Variants in LRP2 observed in about 807,000 individuals in gnomAD.
LRP2 encodes low-density lipoprotein receptor-related protein 2.
In LRP2, 172 loss-of-function variants were observed where a neutral mutation model predicts 531.0. The observed-to-expected ratio is 0.32, with a 90% CI of 0.29 to 0.37. The LOEUF (loss-of-function observed/expected upper bound fraction) is 0.37, where lower values mean the gene tolerates loss of function less well. Ranked by LOEUF, LRP2 falls within the 10% of genes least tolerant of loss-of-function variation. LRP2 has a pLI of 1.00. For synonymous variants in LRP2, 1,992 were observed against 2,027.6 expected (o/e 0.98, Z 0.47); for missense variants, 5,167 against 5,868.3 (o/e 0.88, Z 3.90).
intron 24 of LRP2, among the ~76,000 whole-genome samples, chr2:169,242,739 A>G (rs1339230912): frequency 6.6e-6 from 1 of 152,210 alleles, no homozygotes. Flanking sequence ...CTAAGAGACT[A>G]TTTGAAGTGT....
chr2:169,147,563 C>T (rs971032193), intron 68 of LRP2, among the ~76,000 whole-genome samples: 1 of 152,270 alleles, frequency 6.6e-6, no homozygotes, highest in Non-Finnish European at 1.5e-5. Flanking sequence ...GCAATCCCCC[C>T]ACTTCAGCCT....
chr2:169,216,610 C>T (rs987052089), intron 34 of LRP2, among the ~76,000 whole-genome samples, 180 bp from the exon 35 acceptor site: 2 of 152,110 alleles, frequency 1.3e-5, no homozygotes, highest in Admixed American at 6.5e-5. Context: ...CTACCAATGT[C>T]GGTATATTTC....
At chr2:169,264,583 C>T (rs1214833645) in intron 16 of LRP2, among the ~76,000 whole-genome samples, 5 of 152,024 alleles carry the variant, frequency 3.3e-5, no homozygotes. Context: ...AAAATAACAG[C>T]AGATGAGTAA....
chr2:169,238,189 C>A lies in LRP2; in HGVS notation c.4408G>T (p.Ala1470Ser). 2 of 1,614,104 alleles carry A rather than the reference C, an allele frequency of 1.2e-6. No homozygotes were observed. Among genetic ancestry groups the A allele is most frequent in the Non-Finnish European group, 1.7e-6 (2 of 1,179,942 alleles). ...SLVENGSYIVAVDFDSISGRI... is the reference protein window; with the variant it reads ...SLVENGSYIVSVDFDSISGRI... Reference sequence around the variant, plus strand: ...CCACTAATTGAATCAAAATCAACAGCTACAATGTAAGAACCATTCTCGACC... The same window carrying A: ...CCACTAATTGAATCAAAATCAACAGATACAATGTAAGAACCATTCTCGACC... The change falls in exon 27 of 79, where the codon GCT (alanine) becomes TCT (serine). Residue 1470 changes from alanine to serine, a missense_variant. By Grantham distance (99) the Ala-to-Ser change is moderately conservative (BLOSUM62 1). This residue lies in a region of LRP2 where 2,811 missense variants were observed against 3,058.0 expected (regional missense o/e 0.92). Coordinates refer to ENST00000649046, the MANE Select transcript of LRP2 (RefSeq NM_004525.3).
At chr2:169,343,989 A>C (rs143221194) in intron 1 of LRP2, among the ~76,000 whole-genome samples, 1,756 of 152,322 alleles carry the variant, frequency 0.012, 18 homozygotes, top group Middle Eastern at 0.061. Context: ...CAAGATGCCA[A>C]ATATCCCTTC....
In LRP2 at chr2:169,163,085, ACAGT is replaced by A. The variant is rs373178974; in HGVS notation, c.11759-489_11759-486del. Among the ~76,000 whole-genome samples, 49 of 152,350 alleles carry A rather than the reference ACAGT, an allele frequency of 3.2e-4. 1 individual carries two copies. The South Asian group carries it at 8.3e-3, about 26-fold the overall frequency. ...ACATAAAATATTTGGCATTGGATTAACAGTCAGGAGGCAAGCAACAAGGACACTG... is the reference window on the plus strand; with the variant it reads ...ACATAAAATATTTGGCATTGGATTAACAGGAGGCAAGCAACAAGGACACTG... On this transcript the variant is annotated intron_variant, in intron 62 of 78. Transcript: ENST00000649046.
intron 70 of LRP2, among the ~76,000 whole-genome samples, chr2:169,145,214 G>A (rs1685864232): frequency 1.3e-5 from 2 of 152,192 alleles, no homozygotes; most frequent in Non-Finnish European, 2.9e-5. Context: ...ACACACTGCT[G>A]AAGGATAAAT....
chr2:169,236,177 A>T (rs988781194), intron 28 of LRP2, 109 bp from the exon 29 acceptor site: 25 of 839,530 alleles, frequency 3.0e-5, no homozygotes, highest in Non-Finnish European at 4.9e-5. Flanking sequence ...AAAATAAATC[A>T]TCTCTGGTTC....
Position 169,154,448 on chromosome 2 carries a change from G to GT in LRP2, c.12295+11dup. On this transcript the variant is annotated intron_variant, in intron 66 of 78. Transcript: ENST00000649046. ...CTTAATATCAATGAAAGATGCCAAA[G>GT]TTTATACTCACTGAGGCCTATGTCC... 9 of 1,610,230 alleles carry GT rather than the reference G, an allele frequency of 5.6e-6. No homozygotes were observed. The highest frequency in any genetic ancestry group is 5.1e-6 in the Non-Finnish European group (6 of 1,176,682).
intron 9 of LRP2, among the ~76,000 whole-genome samples, chr2:169,283,848 C>T (rs186585525): frequency 4.1e-3 from 627 of 152,190 alleles, no homozygotes; most frequent in Non-Finnish European, 6.6e-3. Flanking sequence ...ATATAATTGA[C>T]ATAAACAATA....
Position 169,257,102 on chromosome 2 carries a change from G to A in LRP2, c.2639+22C>T, listed in dbSNP as rs767371742. On this transcript the variant is annotated intron_variant, in intron 18 of 78. Transcript: ENST00000649046. The stretch of plus-strand genomic sequence containing the variant: ...CTGCAGTAAAAGAGAACTAAGTATC[G>A]GGGATGATGATTCCTACTTACGCCC... 3.2e-5 allele frequency: 51 copies of A among 1,611,448 alleles called. No individual in the cohort carries two copies. In the Admixed American group the frequency reaches 4.2e-4, roughly 13 times the overall value.
chr2:169,222,703 T>C (rs1298436852), intron 33 of LRP2, among the ~76,000 whole-genome samples: 2 of 152,290 alleles, frequency 1.3e-5, no homozygotes, highest in Non-Finnish European at 2.9e-5. Flanking sequence ...ATAGAACAAT[T>C]ATAAAAATAT....
intron 61 of LRP2, among the ~76,000 whole-genome samples, chr2:169,168,018 A>ATATATATATAT (rs1686845879): frequency 1.5e-5 from 1 of 68,186 alleles, no homozygotes; most frequent in Non-Finnish European, 2.9e-5. Flanking sequence ...CAGGGTTTAA[A>ATATATATATAT]ATATATATAT....
chr2:169,316,930 G>C (rs79508596), intron 3 of LRP2, among the ~76,000 whole-genome samples: 8,323 of 152,184 alleles, frequency 0.055, 325 homozygotes, highest in Non-Finnish European at 0.081. Context: ...AAGGAGGAAT[G>C]GTCTCCAGAG....
At chr2:169,189,712 C>A (rs1687765035) in intron 48 of LRP2, among the ~76,000 whole-genome samples, 2 of 152,118 alleles carry the variant, frequency 1.3e-5, no homozygotes, top group Non-Finnish European at 2.9e-5. Flanking sequence ...CAAGGAGATG[C>A]ACACTAACAG....
intron 50 of LRP2, among the ~76,000 whole-genome samples, chr2:169,184,463 TG>T (rs1687554258): frequency 6.6e-6 from 1 of 152,236 alleles, no homozygotes; most frequent in African/African-American, 2.4e-5. Flanking sequence ...TCTGGAGGTC[TG>T]GGCTGACTGC....
At position 169,273,058 on chromosome 2, in the gene LRP2, G is replaced by A. The variant is rs543102321; in HGVS notation, c.1985C>T (p.Pro662Leu). Residue 662 changes from proline (P) to leucine (L), a missense_variant, in exon 15 of 79, where the codon CCG becomes CTG. Physicochemically the swap from Pro to Leu is moderately conservative, Grantham distance 98 (BLOSUM62 -3). Coordinates refer to ENST00000649046, the MANE Select transcript of LRP2 (RefSeq NM_004525.3). ...HSLRQPYATN[P>L]CKDNNGGCEQ... ...ACAGCCCCCATTGTTATCTTTACAC[G>A]GATTGGTAGCTGGAAGGAAAAATGC... The A allele has an allele frequency of 2.5e-5, 41 of 1,613,522 alleles. No individual in the cohort carries two copies. In the African/African-American group the frequency reaches 4.3e-4, roughly 17 times the overall value.
In LRP2 at chr2:169,236,033, T is replaced by G. The variant is rs1287458932; in HGVS notation, c.4727A>C (p.His1576Pro). 1 of 1,613,976 alleles carries G rather than the reference T, an allele frequency of 6.2e-7. No individual in the cohort carries two copies. Among genetic ancestry groups the G allele is most frequent in the African/African-American group, 1.3e-5 (1 of 75,018 alleles). The change falls in exon 29 of 79, where the codon CAC becomes CCC. Residue 1576 changes from histidine (H) to proline (P), a missense_variant. His to Pro is a moderately conservative substitution (Grantham distance 77). This residue lies in a region of LRP2 where 2,811 missense variants were observed against 3,058.0 expected (regional missense o/e 0.92). Coordinates refer to ENST00000649046, the MANE Select transcript of LRP2 (RefSeq NM_004525.3). The stretch of plus-strand genomic sequence containing the variant: ...CATGCTGGCTCGCTCGATGCGAGGG[T>G]GGTGGCCCCAGTCAGACCAGAACAG... Reference protein sequence around the residue: ...HLLFWSDWGHHPRIERASMDG... With the variant: ...HLLFWSDWGHPPRIERASMDG...
chr2:169,168,501 A>G, intron 61 of LRP2, 38 bp downstream of exon 61: 1 of 1,613,444 alleles, frequency 6.2e-7, no homozygotes, highest in Non-Finnish European at 8.5e-7. Context: ...TTTGACAGAC[A>G]ACACCACTCC....
Sources: allele counts gnomAD v4.1 joint callset (sites outside exome capture counted in the v4.1 genomes callset), GRCh38; gene constraint gnomAD v4.1.1; regional missense constraint gnomAD v4.1.1; transcripts MANE v1.5; gene names NCBI Gene and HGNC (gene_info 2026-07-23, HGNC 2026-07-21).